TNIK: variants seen among roughly 807,000 people sequenced by gnomAD.
The protein encoded by TNIK is TRAF2 and NCK-interacting protein kinase.
A neutral mutation model predicts 191.3 loss-of-function variants in TNIK; 49 were observed. The ratio of observed to expected loss-of-function variants is 0.26; its 90% confidence interval spans 0.20 to 0.32. The LOEUF (loss-of-function observed/expected upper bound fraction) is 0.32. Ranked by LOEUF, TNIK falls within the 10% of genes least tolerant of loss-of-function variation. The pLI is 1.00. For missense variants in TNIK, 1,155 were observed against 1,702.3 expected (o/e 0.68, Z 5.66); for synonymous variants, 594 against 600.9 (o/e 0.99, Z 0.17).
rs1367076136 is a variant in TNIK at position 171,059,183 on chromosome 3, A to G, written c.*4698T>C. Among the ~76,000 whole-genome samples, 1 of 152,236 alleles carries G rather than the reference A, an allele frequency of 6.6e-6. No homozygotes were observed. The highest frequency in any genetic ancestry group is 2.4e-5 in the African/African-American group (1 of 41,470). ...AGTTTGAAGATATGTACACAAACTC[A>G]AAAATCTGTAAACTTTAGGACATTT... On this transcript the variant is annotated 3_prime_UTR_variant, in exon 33 of 33. Transcript: ENST00000436636.
At chr3:171,064,973 G>C (rs1423663620) in intron 32 of TNIK, among the ~76,000 whole-genome samples, 1 of 152,230 alleles carries the variant, frequency 6.6e-6, no homozygotes, top group African/African-American at 2.4e-5. Context: ...GAGAAGGACA[G>C]AGAGGGCCTA....
At position 171,452,890 on chromosome 3, in the gene TNIK, C is replaced by G. The variant is rs1225599253; in HGVS notation, c.57+7117G>C. 2.0e-5 allele frequency among the ~76,000 whole-genome samples: 3 copies of G among 152,200 alleles called. No homozygotes were observed. The East Asian group carries it at 5.8e-4, about 29-fold the overall frequency. ...AGAAATAGGAATACCTACCCAGGAC[C>G]AGGCATAGTATTTCTCGTAATTGGT... On this transcript the variant is annotated intron_variant, in intron 1 of 32. Transcript: ENST00000436636.
At chr3:171,339,733 T>A (rs948665293) in intron 2 of TNIK, among the ~76,000 whole-genome samples, 4 of 152,242 alleles carry the variant, frequency 2.6e-5, no homozygotes, top group Non-Finnish European at 5.9e-5. Flanking sequence ...ACAAGCTCTC[T>A]GGATGTCCTG....
chr3:171,192,787 G>A (rs1288554496), intron 5 of TNIK, among the ~76,000 whole-genome samples: 1 of 152,150 alleles, frequency 6.6e-6, no homozygotes. Context: ...TTGCACAATG[G>A]CACATCAAAA....
chr3:171,084,210 T>G lies in TNIK; in HGVS notation c.3114A>C (p.Glu1038Asp), dbSNP rs775312155. Residue 1038 changes from glutamate to aspartate, a missense_variant, in exon 26 of 33, where the codon GAA (glutamate) becomes GAC (aspartate). Glu to Asp is a conservative substitution (Grantham distance 45). Transcript: ENST00000436636. The part of the protein sequence containing the change: ...TNIRPHSDTP[E>D]IRKYKKRFNS... ...TGAATCGTTTCTTGTATTTTCTGATTTCTGGTGTGTCGCTATGAGGCCGAA... is the reference window on the plus strand; with the variant it reads ...TGAATCGTTTCTTGTATTTTCTGATGTCTGGTGTGTCGCTATGAGGCCGAA... 6 of 1,613,742 alleles carry G rather than the reference T, an allele frequency of 3.7e-6. No homozygotes were observed. The South Asian group carries it at 6.6e-5, about 18-fold the overall frequency.
intron 1 of TNIK, among the ~76,000 whole-genome samples, chr3:171,413,370 A>G (rs553670563): frequency 9.5e-4 from 145 of 152,266 alleles, no homozygotes; most frequent in African/African-American, 1.4e-3. Context: ...TTCTAATGCT[A>G]TCACACACAC....
At chr3:171,337,671 T>C (rs1017089872) in intron 2 of TNIK, among the ~76,000 whole-genome samples, 8 of 152,200 alleles carry the variant, frequency 5.3e-5, no homozygotes, top group African/African-American at 1.9e-4. Flanking sequence ...ATCACACCTT[T>C]CCTAATAGAA....
intron 2 of TNIK, chr3:171,347,161 G>A (rs1160017293): frequency 6.6e-7 from 1 of 1,523,704 alleles, no homozygotes; most frequent in Middle Eastern, 1.7e-4. Context: ...GATGTCATGG[G>A]TGACTCCTAG....
chr3:171,275,928 TA>T (rs1224754161), intron 2 of TNIK, among the ~76,000 whole-genome samples: 5 of 150,276 alleles, frequency 3.3e-5, no homozygotes, highest in African/African-American at 1.2e-4. Context: ...AATAAAAAAT[TA>T]AAAAAATAGA....
At chr3:171,339,727 G>A (rs1379729190) in intron 2 of TNIK, among the ~76,000 whole-genome samples, 3 of 152,204 alleles carry the variant, frequency 2.0e-5, no homozygotes, top group East Asian at 1.9e-4. Flanking sequence ...AACTCCACAA[G>A]CTCTCTGGAT....
At chr3:171,437,591 T>C (rs919753502) in intron 1 of TNIK, among the ~76,000 whole-genome samples, 17 of 152,198 alleles carry the variant, frequency 1.1e-4, no homozygotes, top group Admixed American at 2.0e-4. Flanking sequence ...GAACAGCTCA[T>C]CCTCTCCTTC....
At chr3:171,391,266 G>A (rs1719477940) in intron 1 of TNIK, among the ~76,000 whole-genome samples, 1 of 152,220 alleles carries the variant, frequency 6.6e-6, no homozygotes, top group Non-Finnish European at 1.5e-5. Context: ...GAGGAACAGT[G>A]TTTGTACCGA....
intron 1 of TNIK, among the ~76,000 whole-genome samples, chr3:171,458,431 A>G (rs751217221): frequency 6.6e-6 from 1 of 152,192 alleles, no homozygotes; most frequent in East Asian, 1.9e-4. Context: ...TGGCTGCCCA[A>G]CTATCAGAAC....
In TNIK at chr3:171,138,302, G is replaced by A; in HGVS notation, c.1497C>T (p.Tyr499=). Residue 499 remains tyrosine, a synonymous_variant, in exon 15 of 33, where the codon TAC becomes TAT. Transcript: ENST00000436636. ...LQRQLKQERD[Y]LVSLQHQRQE... ...GCCGCTGATGCTGAAGGGAAACTAA[G>A]TAGTCTCTTTCTTGCTTTAGCTGCC... is the stretch of plus-strand genomic sequence containing the variant. The A allele has an allele frequency of 6.2e-7, 1 of 1,613,340 alleles. No homozygotes were observed. Among genetic ancestry groups the A allele is most frequent in the Non-Finnish European group, 8.5e-7 (1 of 1,179,714 alleles).
At chr3:171,408,698 G>A (rs762054948) in intron 1 of TNIK, among the ~76,000 whole-genome samples, 13 of 151,972 alleles carry the variant, frequency 8.6e-5, no homozygotes, top group Non-Finnish European at 1.8e-4. Flanking sequence ...CATGCTAAAG[G>A]GCCTGATACC....
intron 2 of TNIK, among the ~76,000 whole-genome samples, chr3:171,265,048 C>T (rs1375196706): frequency 6.6e-6 from 1 of 152,154 alleles, no homozygotes; most frequent in Non-Finnish European, 1.5e-5. Context: ...TGGCATGGCA[C>T]ACAAAATGAG....
chr3:171,218,938 ATATT>A (rs1331158282), intron 3 of TNIK, among the ~76,000 whole-genome samples: 3 of 131,950 alleles, frequency 2.3e-5, no homozygotes, highest in African/African-American at 5.7e-5. Context: ...TGTTTTATAT[ATATT>A]TAATATATAA....
chr3:171,327,928 A>AAAAAAAAAAAAAAAAAAAAC (rs1560433753), intron 2 of TNIK, among the ~76,000 whole-genome samples: 1 of 129,466 alleles, frequency 7.7e-6, no homozygotes, highest in African/African-American at 3.2e-5. Context: ...AAAAAAAAAA[A>AAAAAAAAAAAAAAAAAAAAC]AAATCACTTG....
chr3:171,217,149 T>A (rs2108937300), intron 3 of TNIK, among the ~76,000 whole-genome samples: 1 of 152,214 alleles, frequency 6.6e-6, no homozygotes, highest in Admixed American at 6.5e-5. Flanking sequence ...GAATCAACCT[T>A]GGTACCCATC....
Sources: allele counts gnomAD v4.1 joint callset (sites outside exome capture counted in the v4.1 genomes callset), GRCh38; gene constraint gnomAD v4.1.1; transcripts MANE v1.5; gene names NCBI Gene and HGNC (gene_info 2026-07-23, HGNC 2026-07-21).